EPB41L1: variants seen among roughly 807,000 people sequenced by gnomAD.
EPB41L1 encodes band 4.1-like protein 1.
EPB41L1 carries 29 observed loss-of-function variants against 97.8 expected under a neutral mutation model. The ratio of observed to expected loss-of-function variants is 0.30; its 90% confidence interval spans 0.22 to 0.40. The LOEUF is 0.40. Ranked by LOEUF, EPB41L1 falls within the 10% of genes least tolerant of loss-of-function variation. EPB41L1 has a pLI of 1.00. For missense variants in EPB41L1, 812 were observed against 1,162.3 expected, an observed-to-expected ratio of 0.70 and a Z score of 4.38; for synonymous variants, 383 against 459.2, an observed-to-expected ratio of 0.83 and a Z score of 2.12.
rs774491669 is a variant in EPB41L1 at position 36,209,749 on chromosome 20, G to A, written c.1930G>A (p.Asp644Asn). 1.1e-5 allele frequency: 17 copies of A among 1,613,526 alleles called. No individual in the cohort carries two copies. Among genetic ancestry groups the A allele is most frequent in the Admixed American group, 5.0e-5 (3 of 59,990 alleles). ...CTTCTCCCGCAGCCTGCCTGAGCTC[G>A]ACCGGGACAAAAGCGACTCGGACAC... is the stretch of plus-strand genomic sequence containing the variant. Reference protein sequence around the residue: ...EDFSRSLPELDRDKSDSDTEG... With the variant: ...EDFSRSLPELNRDKSDSDTEG... Residue 644 changes from aspartate to asparagine, a missense_variant, in exon 15 of 22, where the codon GAC becomes AAC. Coordinates refer to ENST00000338074, the MANE Select transcript of EPB41L1 (RefSeq NM_012156.2). This position sits in a 1 kb window ranked among gnomAD's most constrained non-coding sequence, Gnocchi z 4.2.
intron 2 of EPB41L1, among the ~76,000 whole-genome samples, chr20:36,142,785 G>A (rs143633516): frequency 1.2e-3 from 187 of 152,324 alleles, no homozygotes; most frequent in Admixed American, 1.8e-3. Flanking sequence ...GGTTATGGGA[G>A]GCTGTGCTGG....
At chr20:36,219,014 G>C (rs989205339) in intron 18 of EPB41L1, 52 bp downstream of exon 18, 116 of 1,574,016 alleles carry the variant, frequency 7.4e-5, no homozygotes, top group Non-Finnish European at 9.8e-5. Context: ...GAGAATATGG[G>C]CATGGACCCA....
chr20:36,194,693 T>G (rs2055605323), intron 12 of EPB41L1, among the ~76,000 whole-genome samples: 1 of 152,174 alleles, frequency 6.6e-6, no homozygotes, highest in South Asian at 2.1e-4. Flanking sequence ...TGCACCACTC[T>G]CTTCCTCCTC....
intron 6 of EPB41L1, among the ~76,000 whole-genome samples, chr20:36,183,970 C>A (rs1306818461): frequency 1.3e-5 from 2 of 152,284 alleles, no homozygotes; most frequent in East Asian, 1.9e-4. Context: ...TATGGTGGCT[C>A]ACACCTGTAA....
intron 2 of EPB41L1, among the ~76,000 whole-genome samples, chr20:36,131,475 C>T (rs1388496414): frequency 1.3e-5 from 2 of 151,816 alleles, no homozygotes; most frequent in Non-Finnish European, 2.9e-5. Context: ...CCCAACTGTC[C>T]TCTGTCCATG....
At position 36,195,802 on chromosome 20, in the gene EPB41L1, C is replaced by T. The variant is rs2062170489; in HGVS notation, c.1485+438C>T. On this transcript the variant is annotated intron_variant, in intron 13 of 21. Transcript: ENST00000338074. The surrounding 1 kb of genome is among the most constrained non-coding windows in gnomAD (Gnocchi z 4.6). ...GTCTCGCCTCCATCTCGTCTGTGTC[C>T]CCTGTGTCCTCACCCCTAGCTTCTT... Among the ~76,000 whole-genome samples the T allele has an allele frequency of 6.6e-6, 1 of 152,150 alleles. No individual in the cohort carries two copies. Among genetic ancestry groups the T allele is most frequent in the South Asian group, 2.1e-4 (1 of 4,820 alleles).
In EPB41L1 at chr20:36,093,096, G is replaced by A; in HGVS notation, c.-65+1484G>A. 6.6e-6 allele frequency: 1 copy of A among 152,468 alleles called. No individual in the cohort carries two copies. Among genetic ancestry groups the A allele is most frequent in the Non-Finnish European group, 1.5e-5 (1 of 68,550 alleles). 9.4% of individuals were successfully genotyped at this position (152,468 alleles called of 1,614,324 possible). A position where few individuals can be genotyped will look rare whatever the true frequency, so the allele number is the denominator to read the frequency against. On this transcript the variant is annotated intron_variant, in intron 1 of 19. Coordinates refer to the EPB41L1 transcript ENST00000202028. This position sits in a 1 kb window ranked among gnomAD's most constrained non-coding sequence, Gnocchi z 5.4. ...GGCTGCTCGGTGTGCGCGCGCGTGC[G>A]TGTGTGCGCCGGGTGTGCATCTGTG...
At chr20:36,168,582 G>A (rs77084920) in intron 1 of EPB41L1, among the ~76,000 whole-genome samples, 1 of 151,470 alleles carries the variant, frequency 6.6e-6, no homozygotes, top group Non-Finnish European at 1.5e-5. Context: ...ACAGGCTGGG[G>A]TGCAGTGGCG....
intron 7 of EPB41L1, 92 bp from the exon 8 acceptor site, chr20:36,187,584 G>A: frequency 9.7e-7 from 1 of 1,028,672 alleles, no homozygotes; most frequent in Non-Finnish European, 1.5e-6. Flanking sequence ...TGACTTTCTA[G>A]AATCATGGGT....
At chr20:36,170,692 G>A (rs535207742) in intron 1 of EPB41L1, among the ~76,000 whole-genome samples, 1 of 152,280 alleles carries the variant, frequency 6.6e-6, no homozygotes, top group South Asian at 2.1e-4. Context: ...GTTAGGATCT[G>A]GGGAGTCTGG....
chr20:36,127,496 G>C (rs1329556291), intron 2 of EPB41L1, among the ~76,000 whole-genome samples: 1 of 152,110 alleles, frequency 6.6e-6, no homozygotes, highest in Non-Finnish European at 1.5e-5. Context: ...TTAGCTGGGG[G>C]TGCTGGATCC....
chr20:36,180,587 C>G, intron 5 of EPB41L1, among the ~76,000 whole-genome samples: 1 of 152,130 alleles, frequency 6.6e-6, no homozygotes, highest in Non-Finnish European at 1.5e-5. Flanking sequence ...GACACTGAGG[C>G]CAGACTGCCT....
rs1469933235 is a variant in EPB41L1, at chr20:36,190,268, G to A, written c.1027-9G>A. The A allele has an allele frequency of 1.2e-6, 2 of 1,613,820 alleles. No individual in the cohort carries two copies. The highest frequency in any genetic ancestry group is 2.2e-5 in the South Asian group (2 of 91,008). On this transcript the variant is annotated splice_polypyrimidine_tract_variant and intron_variant, in intron 9 of 21. Coordinates refer to ENST00000338074, the MANE Select transcript of EPB41L1 (RefSeq NM_012156.2). This position sits in a 1 kb window ranked among gnomAD's most constrained non-coding sequence, Gnocchi z 5.8. The stretch of plus-strand genomic sequence containing the variant: ...GCCCTGCCTCTAACCTGCCCTTTTG[G>A]TTTTCCAGTATGAGCAATTTGAGAG...
chr20:36,197,139 G>T, intron 13 of EPB41L1, among the ~76,000 whole-genome samples: 1 of 152,370 alleles, frequency 6.6e-6, no homozygotes, highest in Non-Finnish European at 1.5e-5. Flanking sequence ...GGAAGGTCCA[G>T]GGTGGTTGGG....
intron 2 of EPB41L1, among the ~76,000 whole-genome samples, chr20:36,175,099 C>T (rs891212273): frequency 1.3e-5 from 2 of 152,114 alleles, no homozygotes; most frequent in Admixed American, 6.5e-5. Context: ...GGACCCGGGG[C>T]GGGCGGCGGT....
Position 36,102,401 on chromosome 20 carries a change from G to A in EPB41L1, c.-64-10025G>A, listed in dbSNP as rs147346342. 5.6e-4 allele frequency among the ~76,000 whole-genome samples: 85 copies of A among 152,282 alleles called. No individual in the cohort carries two copies. In the East Asian group the frequency reaches 0.015, roughly 28 times the overall value. ...AGTTGGAGCCTAACGTCTAGAGAAA[G>A]GTCACCAGGGAGCCAATGGCAGAGC... On this transcript the variant is annotated intron_variant, in intron 1 of 19. Transcript: ENST00000202028.
At chr20:36,115,411 A>T (rs2058553256) in intron 2 of EPB41L1, among the ~76,000 whole-genome samples, 2 of 152,188 alleles carry the variant, frequency 1.3e-5, no homozygotes, top group South Asian at 2.1e-4. Context: ...GGGCTTCCCT[A>T]TGCAGTGCAC....
intron 18 of EPB41L1, 104 bp downstream of exon 18, chr20:36,219,066 C>T: frequency 8.1e-7 from 1 of 1,230,898 alleles, no homozygotes; most frequent in Non-Finnish European, 1.2e-6. Context: ...CCAGAAGGCA[C>T]CCTTCTAGGT....
At chr20:36,187,834 GGGCGT>G in intron 8 of EPB41L1, 71 bp downstream of exon 8, 1 of 1,393,318 alleles carries the variant, frequency 7.2e-7, no homozygotes, top group African/African-American at 1.4e-5. Context: ...CCTTTCCCTA[GGGCGT>G]GGTGTGCCAG....
Sources: allele counts gnomAD v4.1 joint callset (sites outside exome capture counted in the v4.1 genomes callset), GRCh38; gene constraint gnomAD v4.1.1; non-coding constraint Gnocchi (gnomAD v3.1); transcripts MANE v1.5; gene names NCBI Gene and HGNC (gene_info 2026-07-23, HGNC 2026-07-21).